F11: variants seen among roughly 807,000 people sequenced by gnomAD.
F11 encodes coagualtion factor XI.
A neutral mutation model predicts 76.5 loss-of-function variants in F11; 78 were observed. The observed-to-expected ratio is 1.02, with a 90% CI of 0.85 to 1.23. F11 has a LOEUF of 1.23. F11 is among the 50% of genes most tolerant of loss of function. F11 has a pLI of 0.00. For synonymous variants in F11, 278 were observed against 276.3 expected (o/e 1.01, Z -0.06); for missense variants, 742 against 771.4 (o/e 0.96, Z 0.45).
At chr4:186,282,088 A>G (rs1017560118) in intron 10 of F11, 2 of 1,198,934 alleles carry the variant, frequency 1.7e-6, no homozygotes, top group African/African-American at 3.1e-5. Context: ...TCTTTCTTCT[A>G]CTTCTAAGCG....
intron 5 of F11, chr4:186,274,669 A>G: frequency 3.8e-6 from 1 of 263,572 alleles, no homozygotes; most frequent in South Asian, 4.6e-5. Flanking sequence ...TCCTTACCTA[A>G]GACAAAATAC....
At position 186,289,215 on chromosome 4, in the gene F11, CAG is replaced by C. The variant is rs1741420793; in HGVS notation, c.*603_*604del. ...GAGCTAAGAGTGAATGTGAAGATAA[CAG>C]AATTTCTGTGTGGAAGAGGATTACA... is the stretch of plus-strand genomic sequence containing the variant. On this transcript the variant is annotated 3_prime_UTR_variant, in exon 15 of 15. Transcript: ENST00000403665. Among the ~76,000 whole-genome samples the C allele has an allele frequency of 6.6e-6, 1 of 151,988 alleles. No homozygotes were observed. Among genetic ancestry groups the C allele is most frequent in the Non-Finnish European group, 1.5e-5 (1 of 67,996 alleles).
intron 10 of F11, chr4:186,282,774 G>C: frequency 1.0e-6 from 1 of 985,310 alleles, no homozygotes. Flanking sequence ...CTCTGTTCAG[G>C]CTTCCGAAGT....
In F11 at chr4:186,276,379, A is replaced by G. The variant is rs1740384689; in HGVS notation, c.744A>G (p.Lys248=). ...FFTFFSQEWP[K]ESQRNLCLLK... ...CCTTCTTTTCCCAGGAATGGCCCAA[A>G]GAATCTCAAAGGTAAGGAGTTAACA... Residue 248 remains lysine (K), a synonymous_variant, in exon 7 of 15, where the codon AAA becomes AAG. Coordinates refer to ENST00000403665, the MANE Select transcript of F11 (RefSeq NM_000128.4). 6.8e-6 allele frequency: 11 copies of G among 1,614,128 alleles called. No individual in the cohort carries two copies. The highest frequency in any genetic ancestry group is 9.3e-6 in the Non-Finnish European group (11 of 1,180,006).
At chr4:186,273,459 C>CTT (rs778708173) in intron 4 of F11, among the ~76,000 whole-genome samples, 18 of 147,132 alleles carry the variant, frequency 1.2e-4, no homozygotes, top group African/African-American at 4.2e-4. Context: ...AAATGAAAGT[C>CTT]TTTTTTTTTT....
At chr4:186,283,293 C>A (rs12498667) in intron 10 of F11, among the ~76,000 whole-genome samples, 5 of 152,024 alleles carry the variant, frequency 3.3e-5, no homozygotes, top group South Asian at 2.1e-4. Context: ...TCTACGAACA[C>A]CCTATTCCCA....
intron 10 of F11, chr4:186,281,968 G>A (rs1561488072): frequency 7.9e-7 from 1 of 1,267,878 alleles, no homozygotes; most frequent in Admixed American, 2.3e-5. Context: ...ATCTCTGGAT[G>A]GCTCAAGACT....
At chr4:186,273,299 G>A in intron 4 of F11, 122 bp downstream of exon 4, 1 of 802,270 alleles carries the variant, frequency 1.2e-6, no homozygotes, top group South Asian at 1.4e-5. Context: ...CCTTAATGAA[G>A]TTCTTTCAGT....
chr4:186,272,191 C>T (rs893020010), intron 3 of F11, among the ~76,000 whole-genome samples: 2 of 151,926 alleles, frequency 1.3e-5, no homozygotes, highest in Non-Finnish European at 2.9e-5. Context: ...ATCCCCCTGC[C>T]ACCACCAAAA....
At position 186,286,001 on chromosome 4, in the gene F11, T is replaced by G. The variant is rs1460702798; in HGVS notation, c.1480+188T>G. 1.3e-5 allele frequency: 9 copies of G among 685,786 alleles called. No individual in the cohort carries two copies. The Admixed American group carries it at 2.1e-4, about 16-fold the overall frequency. 42.5% of individuals were successfully genotyped at this position (685,786 alleles called of 1,614,324 possible). ...ACTTTCCTGGCTATTGAAACTTATT[T>G]TGGGAATGTGGGTAAAGAGATACGT... is the stretch of plus-strand genomic sequence containing the variant. On this transcript the variant is annotated intron_variant, in intron 12 of 14. Coordinates refer to ENST00000403665, the MANE Select transcript of F11 (RefSeq NM_000128.4).
chr4:186,276,375 C>T lies in F11; in HGVS notation c.740C>T (p.Pro247Leu), dbSNP rs1261611341. 1 of 1,613,752 alleles carries T rather than the reference C, an allele frequency of 6.2e-7. No individual in the cohort carries two copies. Among genetic ancestry groups the T allele is most frequent in the Non-Finnish European group, 8.5e-7 (1 of 1,179,988 alleles). Reference protein sequence around the residue: ...LFFTFFSQEWPKESQRNLCLL... With the variant: ...LFFTFFSQEWLKESQRNLCLL... Reference sequence around the variant, plus strand: ...TTTACCTTCTTTTCCCAGGAATGGCCCAAAGAATCTCAAAGGTAAGGAGTT... The same window carrying T: ...TTTACCTTCTTTTCCCAGGAATGGCTCAAAGAATCTCAAAGGTAAGGAGTT... The change falls in exon 7 of 15, where the codon CCC becomes CTC. Residue 247 changes from proline to leucine, a missense_variant. Pro to Leu is a moderately conservative substitution (Grantham distance 98, BLOSUM62 -3). Coordinates refer to ENST00000403665, the MANE Select transcript of F11 (RefSeq NM_000128.4).
At chr4:186,270,674 AC>A (rs1739879446) in intron 2 of F11, among the ~76,000 whole-genome samples, 1 of 151,780 alleles carries the variant, frequency 6.6e-6, no homozygotes, top group South Asian at 2.1e-4. Flanking sequence ...CACACAGAAC[AC>A]GTGTGTGCGC....
At chr4:186,271,580 C>T in intron 2 of F11, 29 bp from the exon 3 acceptor site, 1 of 1,613,848 alleles carries the variant, frequency 6.2e-7, no homozygotes, top group Non-Finnish European at 8.5e-7. Context: ...TAAAATCCAA[C>T]ATAACGCATG....
downstream of F11, chr4:186,290,698 C>T (rs536080573): frequency 6.6e-6 from 1 of 152,146 alleles, no homozygotes; most frequent in African/African-American, 2.4e-5. Flanking sequence ...AGGAGATCTC[C>T]TCTTCTGTAC....
chr4:186,269,996 C>A (rs1739814055), intron 2 of F11, among the ~76,000 whole-genome samples: 2 of 152,100 alleles, frequency 1.3e-5, no homozygotes, highest in South Asian at 4.1e-4. Context: ...GAGAATAGGA[C>A]AAGAATACTT....
At chr4:186,287,883 GTTTT>G (rs965877577) in intron 14 of F11, 60 bp downstream of exon 14, 14 of 1,564,492 alleles carry the variant, frequency 8.9e-6, no homozygotes, top group African/African-American at 2.7e-5. Flanking sequence ...ATGCGTTGGG[GTTTT>G]TTTGTTTGTT....
At chr4:186,288,427 C>G in intron 14 of F11, 26 bp from the exon 15 acceptor site, 1 of 1,613,930 alleles carries the variant, frequency 6.2e-7, no homozygotes, top group Non-Finnish European at 8.5e-7. Flanking sequence ...GATCTGTGCA[C>G]CTTTTCTTGT....
intron 4 of F11, among the ~76,000 whole-genome samples, chr4:186,273,433 C>A (rs1309234002): frequency 6.6e-6 from 1 of 152,142 alleles, no homozygotes; most frequent in African/African-American, 2.4e-5. Flanking sequence ...CTTTCTATTT[C>A]CCAGCCTAAA....
intron 2 of F11, among the ~76,000 whole-genome samples, chr4:186,267,497 A>C: frequency 6.6e-6 from 1 of 152,248 alleles, no homozygotes; most frequent in African/African-American, 2.4e-5. Context: ...CTCACTAATT[A>C]GTTGGTTTTT....
Sources: allele counts gnomAD v4.1 joint callset (sites outside exome capture counted in the v4.1 genomes callset), GRCh38; gene constraint gnomAD v4.1.1; transcripts MANE v1.5; gene names NCBI Gene and HGNC (gene_info 2026-07-23, HGNC 2026-07-21).